ARHGAP24: variants seen among roughly 807,000 people sequenced by gnomAD.
The protein encoded by ARHGAP24 is Rho GTPase activating protein 24.
ARHGAP24 carries 50 observed loss-of-function variants against 76.4 expected under a neutral mutation model. The observed-to-expected ratio is 0.65, with a 90% confidence interval of 0.52 to 0.83. The LOEUF is 0.83. ARHGAP24 is among the 40% of genes least tolerant of loss of function. ARHGAP24 has a pLI of 0.00. For missense variants in ARHGAP24, 930 were observed against 914.2 expected, an observed-to-expected ratio of 1.02 and a Z score of -0.22; for synonymous variants, 345 against 323.3, an observed-to-expected ratio of 1.07 and a Z score of -0.72.
chr4:85,867,995 A>C, intron 3 of ARHGAP24, among the ~76,000 whole-genome samples: 1 of 151,428 alleles, frequency 6.6e-6, no homozygotes, highest in Non-Finnish European at 1.5e-5. Flanking sequence ...GTGAAAGATC[A>C]TGACCTGTGA....
At chr4:85,879,115 G>C (rs905587727) in intron 3 of ARHGAP24, among the ~76,000 whole-genome samples, 2 of 152,156 alleles carry the variant, frequency 1.3e-5, no homozygotes, top group African/African-American at 4.8e-5. Context: ...TATTTCACAG[G>C]AACATACTAT....
chr4:85,909,080 T>C (rs1734926765), intron 3 of ARHGAP24, among the ~76,000 whole-genome samples: 1 of 152,194 alleles, frequency 6.6e-6, no homozygotes. Flanking sequence ...CTTAACTGAC[T>C]ATACTTCCAG....
At chr4:85,488,528 C>A (rs1259254391) in intron 1 of ARHGAP24, among the ~76,000 whole-genome samples, 2 of 152,104 alleles carry the variant, frequency 1.3e-5, no homozygotes, top group African/African-American at 4.8e-5. Flanking sequence ...ACAGCTATTA[C>A]CATCTCTCCT....
intron 1 of ARHGAP24, among the ~76,000 whole-genome samples, chr4:85,541,228 A>G (rs1262812869): frequency 9.7e-6 from 1 of 102,614 alleles, no homozygotes; most frequent in Admixed American, 1.2e-4. Context: ...ATCTCGGCTC[A>G]CTGCAAGCTC....
At chr4:85,755,109 C>T (rs566373197) in intron 3 of ARHGAP24, among the ~76,000 whole-genome samples, 1 of 152,240 alleles carries the variant, frequency 6.6e-6, no homozygotes, top group South Asian at 2.1e-4. Flanking sequence ...GTGAAGGAAC[C>T]TGTTGCGTAA....
At chr4:85,845,579 A>G (rs1002286282) in intron 3 of ARHGAP24, among the ~76,000 whole-genome samples, 6 of 152,140 alleles carry the variant, frequency 3.9e-5, no homozygotes, top group African/African-American at 1.4e-4. Context: ...CCTGCCTTTT[A>G]TATTCCCTGT....
intron 2 of ARHGAP24, among the ~76,000 whole-genome samples, chr4:85,698,634 C>T (rs1312581114): frequency 6.6e-6 from 1 of 152,140 alleles, no homozygotes; most frequent in East Asian, 1.9e-4. Context: ...TTTATTTTCT[C>T]ACAGTTCTGG....
At chr4:85,594,260 T>C (rs550217570) in intron 2 of ARHGAP24, among the ~76,000 whole-genome samples, 2 of 152,228 alleles carry the variant, frequency 1.3e-5, no homozygotes, top group Admixed American at 6.5e-5. Context: ...TTTTTCACTA[T>C]TGGCATACAG....
At chr4:85,723,452 T>C (rs1018314712) in intron 3 of ARHGAP24, 1 of 152,204 alleles carries the variant, frequency 6.6e-6, no homozygotes. Flanking sequence ...TTCTAAATCA[T>C]CTGTTTCACA....
At chr4:85,671,225 C>T (rs923422126) in intron 2 of ARHGAP24, among the ~76,000 whole-genome samples, 1 of 152,090 alleles carries the variant, frequency 6.6e-6, no homozygotes, top group Non-Finnish European at 1.5e-5. Context: ...GCCTTTCCTT[C>T]CCTTGATTCA....
intron 1 of ARHGAP24, among the ~76,000 whole-genome samples, chr4:85,542,407 T>C (rs1337273817): frequency 2.6e-5 from 4 of 152,270 alleles, no homozygotes; most frequent in Admixed American, 1.3e-4. Context: ...AATTCTCTTG[T>C]AGCTACTGCC....
At position 85,933,652 on chromosome 4, in the gene ARHGAP24, T is replaced by TA. The variant is rs1378597529; in HGVS notation, c.392-8413dup. Among the ~76,000 whole-genome samples, 9 of 152,320 alleles carry TA rather than the reference T, an allele frequency of 5.9e-5. No homozygotes were observed. The South Asian group carries it at 1.9e-3, about 32-fold the overall frequency. On this transcript the variant is annotated intron_variant, in intron 4 of 9. Coordinates refer to ENST00000395184, the MANE Select transcript of ARHGAP24 (RefSeq NM_001025616.3). ...AGATAAAGATTATAAGTGAATTTTT[T>TA]ACCCTGTTGATTTTGAAACTACAAT...
intron 4 of ARHGAP24, among the ~76,000 whole-genome samples, chr4:85,941,539 G>C (rs894354592): frequency 6.6e-6 from 1 of 152,144 alleles, no homozygotes; most frequent in Non-Finnish European, 1.5e-5. Flanking sequence ...TTATATGGGA[G>C]AAAATTCAGC....
At position 85,536,843 on chromosome 4, in the gene ARHGAP24, G is replaced by C. The variant is rs28618270; in HGVS notation, c.-20-33679G>C. 3.9e-3 allele frequency among the ~76,000 whole-genome samples: 590 copies of C among 152,236 alleles called. 3 individuals are homozygous for C. Among genetic ancestry groups the C allele is most frequent in the African/African-American group, 0.013 (553 of 41,566 alleles). The stretch of plus-strand genomic sequence containing the variant: ...AAGAATGGTACCTTTGTGTATGAGA[G>C]TATTTATAGATATGTAGCAATAAAA... On this transcript the variant is annotated intron_variant, in intron 1 of 9. Transcript: ENST00000395184.
intron 3 of ARHGAP24, among the ~76,000 whole-genome samples, chr4:85,752,424 G>A (rs754978153): frequency 6.6e-6 from 1 of 151,878 alleles, no homozygotes; most frequent in Non-Finnish European, 1.5e-5. Flanking sequence ...ATCAGTGTGA[G>A]TTATCTTTGC....
chr4:85,916,650 C>A (rs1735418935), intron 3 of ARHGAP24, among the ~76,000 whole-genome samples: 1 of 152,102 alleles, frequency 6.6e-6, no homozygotes, highest in Admixed American at 6.6e-5. Context: ...GTCTAGTTTT[C>A]AACTGATTTG....
chr4:85,762,344 G>A (rs1358512213), intron 3 of ARHGAP24, among the ~76,000 whole-genome samples: 1 of 152,140 alleles, frequency 6.6e-6, no homozygotes, highest in Non-Finnish European at 1.5e-5. Flanking sequence ...AAAATCATAT[G>A]ATACTTTTTC....
chr4:85,663,696 A>G (rs1022653045), intron 2 of ARHGAP24, among the ~76,000 whole-genome samples: 1 of 151,698 alleles, frequency 6.6e-6, no homozygotes, highest in African/African-American at 2.4e-5. Context: ...ATGTCCCATC[A>G]ATATCTAATT....
chr4:85,817,168 G>T lies in ARHGAP24; in HGVS notation c.268+95196G>T, dbSNP rs532959607. On this transcript the variant is annotated intron_variant, in intron 3 of 9. Transcript: ENST00000395184. ...AGTCCCTTATATATTTTGTACATTA[G>T]CTCCTTATCAAATGTTTGCAAATTT... 4.6e-5 allele frequency among the ~76,000 whole-genome samples: 7 copies of T among 152,034 alleles called. No homozygotes were observed. The East Asian group carries it at 1.4e-3, about 29-fold the overall frequency.
Sources: gnomAD v4.1 joint callset for allele counts (sites outside exome capture counted in the v4.1 genomes callset) on GRCh38, gnomAD v4.1.1 for gene constraint, MANE v1.5 for transcripts, NCBI Gene and HGNC (gene_info 2026-07-23, HGNC 2026-07-21) for gene names.